POMZP3: variants seen among roughly 807,000 people sequenced by gnomAD.
POMZP3 encodes POM121 and ZP3 fusion protein.
In POMZP3, 10 loss-of-function variants were observed where a neutral mutation model predicts 19.8. The ratio of observed to expected loss-of-function variants is 0.51; its 90% CI spans 0.31 to 0.86. The LOEUF is 0.86. Ranked by LOEUF, POMZP3 falls within the 40% of genes least tolerant of loss-of-function variation. The probability of loss-of-function intolerance (pLI) is 0.04; values close to 1 mark genes in which losing one functional copy is unlikely to be tolerated. For missense variants in POMZP3, 152 were observed against 228.1 expected (o/e 0.67, Z 2.15); for synonymous variants, 57 against 85.8 (o/e 0.66, Z 1.85).
At chr7:76,624,813 GCA>G (rs1355661929) in intron 3 of POMZP3, among the ~76,000 whole-genome samples, 2,906 of 151,588 alleles carry the variant, frequency 0.019, 75 homozygotes, top group African/African-American at 0.059. Flanking sequence ...TCTTTCCCAA[GCA>G]TTTCCTTCAG....
chr7:76,625,525 C>A lies in POMZP3; in HGVS notation c.224G>T (p.Arg75Ile), dbSNP rs373466345. 6.2e-7 allele frequency: 1 copy of A among 1,613,170 alleles called. No homozygotes were observed. The highest frequency in any genetic ancestry group is 1.1e-5 in the South Asian group (1 of 91,046). Residue 75 changes from arginine (R) to isoleucine (I), a missense_variant, in exon 3 of 7, where the codon AGA becomes ATA. By Grantham distance (97) the Arg-to-Ile change is moderately conservative. This residue lies in a region of POMZP3 where 17 missense variants were observed against 38.1 expected (regional missense o/e 0.45). Transcript: ENST00000310842. ...QIFLDGQENK[R>I]SCLVDGLTDA... ...AGTACTCTCCTGAGCCTGTTACCTTCTTTTATTTTCCTGGCCATCAAGGAA... is the reference window on the plus strand; with the variant it reads ...AGTACTCTCCTGAGCCTGTTACCTTATTTTATTTTCCTGGCCATCAAGGAA...
In POMZP3 at chr7:76,626,197, T is replaced by C. The variant is rs1458589496; in HGVS notation, c.-133A>G. On this transcript the variant is annotated 5_prime_UTR_variant, in exon 2 of 7. Coordinates refer to ENST00000310842, the MANE Select transcript of POMZP3 (RefSeq NM_012230.5). The stretch of plus-strand genomic sequence containing the variant: ...TTCGAGGTGTTATTACAAACCGATC[T>C]GGTAAAGTCCCACGATCCCTGCAGA... 1 of 1,565,346 alleles carries C rather than the reference T, an allele frequency of 6.4e-7. No individual in the cohort carries two copies. Among genetic ancestry groups the C allele is most frequent in the Non-Finnish European group, 8.7e-7 (1 of 1,154,096 alleles).
chr7:76,626,714 G>T lies in POMZP3; in HGVS notation c.-158C>A, dbSNP rs1400852780. 5 of 1,384,158 alleles carry T rather than the reference G, an allele frequency of 3.6e-6. No individual in the cohort carries two copies. The highest frequency in any genetic ancestry group is 3.6e-5 in the Admixed American group (1 of 27,600). 85.7% of individuals were successfully genotyped at this position (1,384,158 alleles called of 1,614,324 possible). ...GAAAATCAGCGCATCTCACCGTGGG[G>T]AAGGCCTCCCGGAGGGTCGGAGAAG... On this transcript the variant is annotated 5_prime_UTR_variant, in exon 1 of 7. Transcript: ENST00000310842.
chr7:76,611,286 C>A (rs1584337432), intron 6 of POMZP3, among the ~76,000 whole-genome samples, 168 bp downstream of exon 6: 1 of 147,164 alleles, frequency 6.8e-6, no homozygotes, highest in African/African-American at 2.5e-5. Flanking sequence ...GGCTGAGAGC[C>A]CCCTCCTGCT....
At chr7:76,623,794 T>C (rs1457818172) in intron 3 of POMZP3, among the ~76,000 whole-genome samples, 1 of 151,194 alleles carries the variant, frequency 6.6e-6, no homozygotes, top group Non-Finnish European at 1.5e-5. Flanking sequence ...AGAGCGAGAA[T>C]CCGCCTCCAA....
Position 76,625,559 on chromosome 7 carries a change from C to G in POMZP3, c.190G>C (p.Asp64His). 1 of 1,613,514 alleles carries G rather than the reference C, an allele frequency of 6.2e-7. No individual in the cohort carries two copies. The highest frequency in any genetic ancestry group is 8.5e-7 in the Non-Finnish European group (1 of 1,179,680). The change falls in exon 3 of 7, where the codon GAC becomes CAC. Residue 64 changes from aspartate (D) to histidine (H), a missense_variant. Coordinates refer to ENST00000310842, the MANE Select transcript of POMZP3 (RefSeq NM_012230.5). ...KKKKRTVEEE[D>H]QIFLDGQENK... is the part of the protein sequence containing the mutation. ...TCCTGGCCATCAAGGAATATTTGGT[C>G]TTCTTCCTCCACTGTCCTTTTCTTC...
At chr7:76,610,278 G>A (rs1563798701) in intron 6 of POMZP3, 63 bp from the exon 7 acceptor site, 3 of 1,598,980 alleles carry the variant, frequency 1.9e-6, no homozygotes, top group African/African-American at 1.3e-5. Context: ...TGGGTTGGAG[G>A]TTTTATTCTG....
rs1273717606 is a variant in POMZP3 at position 76,616,700 on chromosome 7, CAA to C, written c.345+1481_345+1482del. ...TGAAACCCAATCTCTAGTAAGAATA[CAA>C]AAGTTAGCCGGGTGTGGTGGCAGGC... On this transcript the variant is annotated intron_variant, in intron 4 of 6. Coordinates refer to ENST00000310842, the MANE Select transcript of POMZP3 (RefSeq NM_012230.5). Among the ~76,000 whole-genome samples, 2 of 95,594 alleles carry C rather than the reference CAA, an allele frequency of 2.1e-5. 1 individual carries two copies. Among genetic ancestry groups the C allele is most frequent in the East Asian group, 5.4e-4 (2 of 3,732 alleles). The allele number at this position is 95,594 out of a possible 152,430, so 62.7% of individuals were successfully genotyped here.
rs200680034 is a variant in POMZP3 at position 76,610,194 on chromosome 7, G to A, written c.*33C>T. 20,206 of 1,613,126 alleles carry A rather than the reference G, an allele frequency of 0.013. 247 individuals carry two copies. Among genetic ancestry groups the A allele is most frequent in the Non-Finnish European group, 0.015 (17,911 of 1,179,510 alleles). ...GTCCAGGAAGATCAGTGGCCCCACGGTGACATCTGCTTCTTCTGTCACTGT... is the reference window on the plus strand; with the variant it reads ...GTCCAGGAAGATCAGTGGCCCCACGATGACATCTGCTTCTTCTGTCACTGT... On this transcript the variant is annotated 3_prime_UTR_variant, in exon 7 of 7. Transcript: ENST00000310842.
chr7:76,625,355 T>A (rs2480243), intron 3 of POMZP3, among the ~76,000 whole-genome samples, 167 bp downstream of exon 3: 92,320 of 150,794 alleles, frequency 0.61, 29,283 homozygotes, highest in African/African-American at 0.78. Flanking sequence ...CTTGAAATGA[T>A]CAGCATTAAA....
intron 1 of POMZP3, 79 bp from the exon 2 acceptor site, chr7:76,626,294 T>G (rs758551152): frequency 1.1e-4 from 142 of 1,314,424 alleles, no homozygotes; most frequent in Admixed American, 1.1e-3. Flanking sequence ...AACCCACCAG[T>G]TAAGACATTT....
intron 2 of POMZP3, 121 bp from the exon 3 acceptor site, chr7:76,625,804 T>G: frequency 2.2e-6 from 3 of 1,394,086 alleles, no homozygotes; most frequent in South Asian, 2.7e-5. Context: ...ACAGTTCCCC[T>G]TAGCAAGTAA....
In POMZP3 at chr7:76,611,511, C is replaced by T. The variant is rs1245497942; in HGVS notation, c.518G>A (p.Arg173Lys). The T allele has an allele frequency of 6.2e-7, 1 of 1,605,154 alleles. No individual in the cohort carries two copies. Among genetic ancestry groups the T allele is most frequent in the Non-Finnish European group, 8.5e-7 (1 of 1,172,558 alleles). ...GDCGTPSHSR[R>K]QPRVVSQWST... ...CCACTGGCTCACGACACGAGGCTGCCTCCTGGAATGGCTTGGAGTGCCACA... is the reference window on the plus strand; with the variant it reads ...CCACTGGCTCACGACACGAGGCTGCTTCCTGGAATGGCTTGGAGTGCCACA... Residue 173 changes from arginine (R) to lysine (K), a missense_variant, in exon 6 of 7, where the codon AGG becomes AAG. This residue lies in a region of POMZP3 where 65 missense variants were observed against 86.2 expected (regional missense o/e 0.75). Coordinates refer to ENST00000310842, the MANE Select transcript of POMZP3 (RefSeq NM_012230.5).
At chr7:76,611,320 A>T (rs554051207) in intron 6 of POMZP3, 134 bp downstream of exon 6, 1 of 1,146,708 alleles carries the variant, frequency 8.7e-7, no homozygotes, top group South Asian at 1.8e-5. Flanking sequence ...TGTGTTAGGG[A>T]AAGGTAGCTG....
In POMZP3 at chr7:76,615,128, A is replaced by T. The variant is rs1282160459; in HGVS notation, c.345+3055T>A. Among the ~76,000 whole-genome samples, 6 of 107,508 alleles carry T rather than the reference A, an allele frequency of 5.6e-5. 1 individual carries two copies. Among genetic ancestry groups the T allele is most frequent in the Non-Finnish European group, 1.2e-4 (6 of 49,246 alleles). 70.5% of individuals were successfully genotyped at this position (107,508 alleles called of 152,430 possible). A position where few individuals can be genotyped will look rare whatever the true frequency, so the allele number is the denominator to read the frequency against. ...CCTCCAAGGGCTCAGACTATCTTCCATTAAACAGCACTGTTCTCTGGTCTT... is the reference window on the plus strand; with the variant it reads ...CCTCCAAGGGCTCAGACTATCTTCCTTTAAACAGCACTGTTCTCTGGTCTT... On this transcript the variant is annotated intron_variant, in intron 4 of 6. Transcript: ENST00000310842.
At chr7:76,624,594 T>TGC in intron 3 of POMZP3, among the ~76,000 whole-genome samples, 1 of 150,816 alleles carries the variant, frequency 6.6e-6, no homozygotes, top group East Asian at 2.0e-4. Flanking sequence ...TACAGGCACC[T>TGC]ACCACCACAT....
At chr7:76,618,559 T>G in intron 3 of POMZP3, 2 of 474,548 alleles carry the variant, frequency 4.2e-6, no homozygotes, top group Non-Finnish European at 7.6e-6. Flanking sequence ...AGGCAGAGGG[T>G]GTAGTGAGCC....
chr7:76,620,587 C>CCT (rs1289602934), intron 3 of POMZP3, among the ~76,000 whole-genome samples: 1 of 151,692 alleles, frequency 6.6e-6, no homozygotes, highest in Non-Finnish European at 1.5e-5. Context: ...CCTGCCTCAG[C>CCT]CTCCCAAGTA....
intron 3 of POMZP3, chr7:76,621,155 G>T (rs1003094735): frequency 6.7e-6 from 1 of 149,924 alleles, no homozygotes; most frequent in Non-Finnish European, 1.5e-5. Context: ...CACCGGAGAC[G>T]CCAGGTGATG....
Sources: allele counts gnomAD v4.1 joint callset (sites outside exome capture counted in the v4.1 genomes callset), GRCh38; gene constraint gnomAD v4.1.1; regional missense constraint gnomAD v4.1.1; transcripts MANE v1.5; gene names NCBI Gene and HGNC (gene_info 2026-07-23, HGNC 2026-07-21).